The following IPO8 variants were observed in gnomAD, a reference collection of about 807,000 sequenced individuals.
IPO8 encodes importin-8.
IPO8 carries 65 observed loss-of-function variants against 141.2 expected under a neutral mutation model. That is an observed-to-expected ratio of 0.46 (90% CI 0.38 to 0.57). IPO8 has a LOEUF of 0.57. Among genes scored for constraint, IPO8 ranks in the 20% least tolerant of loss-of-function variants. The pLI is 0.00. For missense variants in IPO8, 980 were observed against 1,246.8 expected, an observed-to-expected ratio of 0.79 and a Z score of 3.22; for synonymous variants, 411 against 420.3, an observed-to-expected ratio of 0.98 and a Z score of 0.27.
intron 20 of IPO8, among the ~76,000 whole-genome samples, chr12:30,646,274 T>C (rs1227725921): frequency 6.6e-6 from 1 of 152,142 alleles, no homozygotes; most frequent in African/African-American, 2.4e-5. Flanking sequence ...TCTCAATAGA[T>C]GCAGAAAAAA....
intron 1 of IPO8, among the ~76,000 whole-genome samples, chr12:30,693,799 G>A (rs1591849526): frequency 6.6e-6 from 1 of 152,078 alleles, no homozygotes; most frequent in African/African-American, 2.4e-5. Flanking sequence ...GGGAAACCAC[G>A]GTCTGTGATG....
intron 1 of IPO8, among the ~76,000 whole-genome samples, chr12:30,691,839 C>A (rs2053293996): frequency 6.6e-6 from 1 of 152,128 alleles, no homozygotes; most frequent in Non-Finnish European, 1.5e-5. Context: ...CTTTTTCATC[C>A]AAGAACATTG....
At chr12:30,638,061 C>T (rs1310515656) in intron 21 of IPO8, among the ~76,000 whole-genome samples, 1 of 152,126 alleles carries the variant, frequency 6.6e-6, no homozygotes, top group African/African-American at 2.4e-5. Context: ...CTCATCCATG[C>T]AACCCCTAAA....
Position 30,674,758 on chromosome 12 carries a change from C to T in IPO8, c.730-5G>A. Reference sequence around the variant, plus strand: ...CTCATCAATGTGCAGAGTCTCCTAACAGGACAAAATTACCCAGATTAAAGT... The same window carrying T: ...CTCATCAATGTGCAGAGTCTCCTAATAGGACAAAATTACCCAGATTAAAGT... On this transcript the variant is annotated splice_polypyrimidine_tract_variant and splice_region_variant and intron_variant, in intron 6 of 24. Coordinates refer to ENST00000256079, the MANE Select transcript of IPO8 (RefSeq NM_006390.4). 2 of 1,595,578 alleles carry T rather than the reference C, an allele frequency of 1.3e-6. No individual in the cohort carries two copies. Among genetic ancestry groups the T allele is most frequent in the East Asian group, 2.2e-5 (1 of 44,730 alleles).
chr12:30,664,281 C>T (rs1326737842), intron 13 of IPO8, among the ~76,000 whole-genome samples: 3 of 152,256 alleles, frequency 2.0e-5, no homozygotes, highest in East Asian at 1.9e-4. Context: ...GTGCCCTCAG[C>T]GTCCCTAGTC....
intron 20 of IPO8, 99 bp from the exon 21 acceptor site, chr12:30,639,834 T>A: frequency 1.3e-6 from 1 of 776,822 alleles, no homozygotes. Context: ...TAAGACAGTC[T>A]TAATGGCAAT....
Position 30,669,502 on chromosome 12 carries a change from T to C in IPO8, c.1045-220A>G, listed in dbSNP as rs74350902. On this transcript the variant is annotated intron_variant, in intron 9 of 24. Coordinates refer to ENST00000256079, the MANE Select transcript of IPO8 (RefSeq NM_006390.4). ...GTCCTAAATGTCCATGTATTAACAA[T>C]ATTAAAGGGCCAGGCATGGTGACTC... Among the ~76,000 whole-genome samples the C allele has an allele frequency of 5.9e-5, 9 of 152,190 alleles. No individual in the cohort carries two copies. The East Asian group carries it at 1.7e-3, about 29-fold the overall frequency.
At chr12:30,688,310 T>C (rs770539063) in intron 2 of IPO8, 4 of 327,178 alleles carry the variant, frequency 1.2e-5, no homozygotes, top group Non-Finnish European at 6.0e-6. Flanking sequence ...AAATACTTAA[T>C]TTTTTCCTGT....
intron 1 of IPO8, 32 bp from the exon 2 acceptor site, chr12:30,690,609 G>T: frequency 8.1e-7 from 1 of 1,241,446 alleles, no homozygotes; most frequent in Non-Finnish European, 1.2e-6. Flanking sequence ...TTATAAAATA[G>T]GGCAATATAA....
chr12:30,659,100 T>G (rs1406913042), intron 16 of IPO8, among the ~76,000 whole-genome samples: 5 of 152,030 alleles, frequency 3.3e-5, no homozygotes, highest in Non-Finnish European at 4.4e-5. Flanking sequence ...CAGGATGGTC[T>G]CGATCTCCTG....
chr12:30,645,126 C>G (rs566726138), intron 20 of IPO8, among the ~76,000 whole-genome samples: 3 of 151,832 alleles, frequency 2.0e-5, no homozygotes, highest in Non-Finnish European at 4.4e-5. Flanking sequence ...GTAATCCCAG[C>G]ACTTTGGGGG....
chr12:30,685,435 G>A (rs2053230709), intron 2 of IPO8, among the ~76,000 whole-genome samples: 1 of 151,534 alleles, frequency 6.6e-6, no homozygotes, highest in Non-Finnish European at 1.5e-5. Context: ...CACTGCACCT[G>A]GCCAGAATGT....
At chr12:30,694,286 A>G (rs975735141) in intron 1 of IPO8, among the ~76,000 whole-genome samples, 4 of 152,164 alleles carry the variant, frequency 2.6e-5, no homozygotes, top group Non-Finnish European at 5.9e-5. Context: ...ATTCTAAGTG[A>G]CAGTCCATTT....
chr12:30,680,655 A>G lies in IPO8; in HGVS notation c.483-17T>C. ...TTCTTATATCTACATGAGCAAAGACAAAAACAGAAAAGTAATTTTTCCCAC... is the reference window on the plus strand; with the variant it reads ...TTCTTATATCTACATGAGCAAAGACGAAAACAGAAAAGTAATTTTTCCCAC... On this transcript the variant is annotated splice_polypyrimidine_tract_variant and intron_variant, in intron 4 of 24. Transcript: ENST00000256079. 6.3e-7 allele frequency: 1 copy of G among 1,579,466 alleles called. No homozygotes were observed. Among genetic ancestry groups the G allele is most frequent in the Non-Finnish European group, 8.6e-7 (1 of 1,168,568 alleles).
chr12:30,651,181 T>C (rs2052722041), intron 19 of IPO8, among the ~76,000 whole-genome samples: 1 of 152,046 alleles, frequency 6.6e-6, no homozygotes, highest in Admixed American at 6.6e-5. Context: ...CAGCTACCTC[T>C]CTAACAGGGA....
intron 23 of IPO8, among the ~76,000 whole-genome samples, chr12:30,632,497 C>T (rs1565491309): frequency 6.6e-6 from 1 of 152,112 alleles, no homozygotes; most frequent in South Asian, 2.1e-4. Context: ...AATTTCCTCC[C>T]AAACCTTCTA....
Position 30,695,708 on chromosome 12 carries a change from C to T in IPO8, c.-61G>A. On this transcript the variant is annotated 5_prime_UTR_variant, in exon 1 of 25. Coordinates refer to ENST00000256079, the MANE Select transcript of IPO8 (RefSeq NM_006390.4). This position sits in a 1 kb window ranked among gnomAD's most constrained non-coding sequence, Gnocchi z 4.2. ...TAGGCCGGACTGCAGCTTTAGTTTT[C>T]TTTTGACCCTCTCAGCCTCCTCTTC... The T allele has an allele frequency of 6.7e-7, 1 of 1,486,094 alleles. No individual in the cohort carries two copies. The highest frequency in any genetic ancestry group is 2.4e-5 in the East Asian group (1 of 42,050). The allele number at this position is 1,486,094 out of a possible 1,614,324, so 92.1% of individuals were successfully genotyped here. A position where few individuals can be genotyped will look rare whatever the true frequency, so the allele number is the denominator to read the frequency against.
intron 3 of IPO8, 43 bp downstream of exon 3, chr12:30,684,247 CAGATCTAACCA>C (rs2053217250): frequency 6.5e-7 from 1 of 1,531,752 alleles, no homozygotes; most frequent in South Asian, 1.2e-5. Flanking sequence ...CACCCACCCT[CAGATCTAACCA>C]TTTCATGCTT....
intron 18 of IPO8, 134 bp downstream of exon 18, chr12:30,652,833 C>T: frequency 1.2e-6 from 1 of 817,564 alleles, no homozygotes; most frequent in Non-Finnish European, 1.9e-6. Context: ...ACAATAGCCC[C>T]AGCTTTTATG....
Sources: allele counts gnomAD v4.1 joint callset (sites outside exome capture counted in the v4.1 genomes callset), GRCh38; gene constraint gnomAD v4.1.1; non-coding constraint Gnocchi (gnomAD v3.1); transcripts MANE v1.5; gene names NCBI Gene and HGNC (gene_info 2026-07-23, HGNC 2026-07-21).